The following HERC1 variants were observed in gnomAD, a reference collection of about 807,000 sequenced individuals.
HERC1 encodes probable E3 ubiquitin-protein ligase HERC1.
HERC1 carries 160 observed loss-of-function variants against 554.3 expected under a neutral mutation model. The observed-to-expected ratio is 0.29, with a 90% CI of 0.25 to 0.33. HERC1 has a LOEUF of 0.33. Ranked by LOEUF, HERC1 falls within the 10% of genes least tolerant of loss-of-function variation. The pLI is 1.00. For synonymous variants in HERC1, 2,175 were observed against 2,131.7 expected (o/e 1.02, Z -0.56); for missense variants, 4,919 against 5,918.5 (o/e 0.83, Z 5.54).
rs114159254 is a variant in HERC1, at chr15:63,694,025, G to A, written c.5613C>T (p.Asp1871=). ...MASFGEGEQE[D]GEEEEKKVDS... ...CAACTTTTTTTTCTTCTTCTTCACC[G>A]TCTTCTTGCTCCCCTTCTCCGAAAG... is the stretch of plus-strand genomic sequence containing the variant. Residue 1871 remains aspartate (D), a synonymous_variant, in exon 30 of 78, where the codon GAC becomes GAT. Coordinates refer to ENST00000443617, the MANE Select transcript of HERC1 (RefSeq NM_003922.4). The surrounding 1 kb of genome is among the most constrained non-coding windows in gnomAD (Gnocchi z 4.3). 5.2e-4 allele frequency: 824 copies of A among 1,587,144 alleles called. 3 individuals are homozygous for A. The African/African-American group carries it at 7.0e-3, about 14-fold the overall frequency.
At chr15:63,724,470 C>T (rs1278635247) in intron 18 of HERC1, among the ~76,000 whole-genome samples, 2 of 152,212 alleles carry the variant, frequency 1.3e-5, no homozygotes, top group African/African-American at 4.8e-5. Context: ...CTCTCCAACC[C>T]TCCAAATCCC....
At chr15:63,725,212 T>C (rs1014953520) in intron 18 of HERC1, 80 bp downstream of exon 18, 14 of 1,261,232 alleles carry the variant, frequency 1.1e-5, no homozygotes, top group Non-Finnish European at 1.6e-5. Context: ...CAGTTCTCTA[T>C]TTAGCAAATC....
intron 58 of HERC1, 98 bp downstream of exon 58, chr15:63,643,306 C>T: frequency 9.4e-7 from 1 of 1,060,794 alleles, no homozygotes; most frequent in Non-Finnish European, 1.4e-6. Flanking sequence ...CAAGAGATTA[C>T]TATATAAAAT....
chr15:63,752,511 G>A (rs2075284415), intron 8 of HERC1: 1 of 153,366 alleles, frequency 6.5e-6, no homozygotes, highest in African/African-American at 2.4e-5. Flanking sequence ...ACTATCCTAA[G>A]CTTGACTTCA....
chr15:63,814,713 C>T (rs1003343584), intron 1 of HERC1, among the ~76,000 whole-genome samples: 2 of 152,210 alleles, frequency 1.3e-5, no homozygotes, highest in African/African-American at 4.8e-5. Flanking sequence ...AAGTTATCTG[C>T]CCGCCTCGGC....
At chr15:63,684,059 TG>T (rs1436916324) in intron 34 of HERC1, among the ~76,000 whole-genome samples, 2 of 152,224 alleles carry the variant, frequency 1.3e-5, no homozygotes, top group African/African-American at 4.8e-5. Context: ...AAAAACATCT[TG>T]GATGCTGGCT....
At chr15:63,785,734 A>G (rs2143669657) in intron 1 of HERC1, among the ~76,000 whole-genome samples, 1 of 152,222 alleles carries the variant, frequency 6.6e-6, no homozygotes, top group Middle Eastern at 3.4e-3. Context: ...ATGCTACTAC[A>G]CTGCAGCCTG....
intron 68 of HERC1, 94 bp downstream of exon 68, chr15:63,632,615 A>G (rs1003268381): frequency 1.2e-6 from 1 of 830,582 alleles, no homozygotes; most frequent in Non-Finnish European, 2.0e-6. Context: ...CCTAGAACAA[A>G]AAAAGGACTC....
intron 1 of HERC1, among the ~76,000 whole-genome samples, chr15:63,789,746 C>T (rs923937067): frequency 2.6e-5 from 4 of 151,112 alleles, no homozygotes; most frequent in African/African-American, 9.7e-5. Context: ...TGCAGTGAGC[C>T]GAGATGATGC....
chr15:63,778,342 T>G (rs1158318994), intron 1 of HERC1, among the ~76,000 whole-genome samples: 1 of 152,164 alleles, frequency 6.6e-6, no homozygotes, highest in East Asian at 1.9e-4. Context: ...ACTGGAAAAG[T>G]ATCTGGGCAG....
At chr15:63,821,852 A>C (rs2077709860) in intron 1 of HERC1, among the ~76,000 whole-genome samples, 1 of 152,190 alleles carries the variant, frequency 6.6e-6, no homozygotes, top group Non-Finnish European at 1.5e-5. Flanking sequence ...CAGTGGAATA[A>C]ACAACATATC....
intron 1 of HERC1, among the ~76,000 whole-genome samples, chr15:63,794,008 A>G (rs550644575): frequency 2.2e-4 from 33 of 152,314 alleles, no homozygotes; most frequent in African/African-American, 7.5e-4. Context: ...TGCGATGGCC[A>G]TGAGAGTGAC....
intron 76 of HERC1, among the ~76,000 whole-genome samples, chr15:63,615,505 G>T (rs1271045048): frequency 6.6e-6 from 1 of 152,238 alleles, no homozygotes; most frequent in African/African-American, 2.4e-5. Flanking sequence ...AGCTACTGGG[G>T]AGGCTGAGGC....
At chr15:63,831,630 A>G (rs548896502) in intron 1 of HERC1, among the ~76,000 whole-genome samples, 30 of 152,272 alleles carry the variant, frequency 2.0e-4, no homozygotes, top group Non-Finnish European at 4.1e-4. Flanking sequence ...AGCTCCTTCA[A>G]TATACCCAGC....
intron 3 of HERC1, among the ~76,000 whole-genome samples, chr15:63,763,858 A>G (rs1178638717): frequency 6.6e-6 from 1 of 152,236 alleles, no homozygotes; most frequent in East Asian, 1.9e-4. Flanking sequence ...TTTTTCAATT[A>G]AAGTTACCAG....
intron 2 of HERC1, among the ~76,000 whole-genome samples, chr15:63,772,764 A>C (rs1254098133): frequency 1.3e-5 from 2 of 152,208 alleles, no homozygotes; most frequent in South Asian, 2.1e-4. Context: ...AGAACACAGA[A>C]CCCATGTCAA....
chr15:63,767,071 G>A (rs1167063145), intron 2 of HERC1, among the ~76,000 whole-genome samples: 2 of 150,794 alleles, frequency 1.3e-5, no homozygotes, highest in East Asian at 1.9e-4. Context: ...GCGCAGTCTC[G>A]GCTCACTGCA....
At position 63,675,014 on chromosome 15, in the gene HERC1, C is replaced by T; in HGVS notation, c.7174G>A (p.Val2392Met). Reference protein sequence around the residue: ...VARFRGLTASVLLDLTYLTGV... With the variant: ...VARFRGLTASMLLDLTYLTGV... ...GTGAGATATGTTAGGTCCAGCAGCA[C>T]AGAAGCCGTCAGGCCTCGGAATCGC... is the stretch of plus-strand genomic sequence containing the variant. Residue 2392 changes from valine (V) to methionine (M), a missense_variant, in exon 38 of 78, where the codon GTG (valine) becomes ATG (methionine). Physicochemically the swap from Val to Met is conservative, Grantham distance 21 (BLOSUM62 1). Around this residue, in one of 11 missense-constraint regions of HERC1, gnomAD observed 1,963 missense variants for 2,228.6 expected, o/e 0.88. Transcript: ENST00000443617. 1 of 1,614,022 alleles carries T rather than the reference C, an allele frequency of 6.2e-7. No individual in the cohort carries two copies. The highest frequency in any genetic ancestry group is 8.5e-7 in the Non-Finnish European group (1 of 1,179,886).
intron 19 of HERC1, among the ~76,000 whole-genome samples, chr15:63,721,504 C>T (rs376781545): frequency 2.0e-5 from 3 of 151,356 alleles, no homozygotes; most frequent in East Asian, 1.9e-4. Context: ...CCAGCCTGGA[C>T]GATAAGAGGA....
Sources: allele counts gnomAD v4.1 joint callset (sites outside exome capture counted in the v4.1 genomes callset), GRCh38; gene constraint gnomAD v4.1.1; regional missense constraint gnomAD v4.1.1; non-coding constraint Gnocchi (gnomAD v3.1); transcripts MANE v1.5; gene names NCBI Gene and HGNC (gene_info 2026-07-23, HGNC 2026-07-21).